The following PDZD8 variants were observed in gnomAD, a reference collection of about 807,000 sequenced individuals.
PDZD8 encodes PDZ domain-containing protein 8.
Under a neutral mutation model 85.8 loss-of-function variants are expected in PDZD8, and 14 were observed. That is an observed-to-expected ratio of 0.16 (90% CI 0.11 to 0.26). PDZD8 has a LOEUF of 0.26. PDZD8 is among the 10% of genes least tolerant of loss of function. PDZD8 has a pLI of 1.00. For synonymous variants in PDZD8, 592 were observed against 568.6 expected, an observed-to-expected ratio of 1.04 and a Z score of -0.59; for missense variants, 1,197 against 1,424.3, an observed-to-expected ratio of 0.84 and a Z score of 2.57.
In PDZD8 at chr10:117,375,167, C is replaced by A. The variant is rs756287475; in HGVS notation, c.61G>T (p.Ala21Ser). Residue 21 changes from alanine (A) to serine (S), a missense_variant, in exon 1 of 5, where the codon GCC becomes TCC. Coordinates refer to ENST00000334464, the MANE Select transcript of PDZD8 (RefSeq NM_173791.5). ...CTGCGGTACAGCAGGAAGAACTGGG[C>A]GAGGAGCGTGAGGAAGGAACCCAGC... ...AVLGSFLTLLAQFFLLYRRQP... is the reference protein window; with the variant it reads ...AVLGSFLTLLSQFFLLYRRQP... 6.3e-7 allele frequency: 1 copy of A among 1,583,344 alleles called. No homozygotes were observed.
At chr10:117,343,513 G>C (rs1265985476) in intron 1 of PDZD8, among the ~76,000 whole-genome samples, 2 of 151,618 alleles carry the variant, frequency 1.3e-5, no homozygotes, top group Non-Finnish European at 2.9e-5. Context: ...TATGACTCCT[G>C]AAAAACATAT....
intron 3 of PDZD8, among the ~76,000 whole-genome samples, chr10:117,317,884 G>A (rs988885853): frequency 6.6e-6 from 1 of 152,050 alleles, no homozygotes; most frequent in African/African-American, 2.4e-5. Flanking sequence ...TTTCATAAAC[G>A]CAAACACTGT....
chr10:117,359,364 C>A (rs1844955694), intron 1 of PDZD8, among the ~76,000 whole-genome samples: 1 of 151,796 alleles, frequency 6.6e-6, no homozygotes, highest in Non-Finnish European at 1.5e-5. Context: ...TACACTGAGC[C>A]ATGAGTGTGC....
intron 1 of PDZD8, among the ~76,000 whole-genome samples, chr10:117,347,120 G>A (rs1052331367): frequency 6.6e-6 from 1 of 151,772 alleles, no homozygotes; most frequent in African/African-American, 2.4e-5. Flanking sequence ...CCAAGAACCA[G>A]GGTATATACC....
intron 3 of PDZD8, among the ~76,000 whole-genome samples, chr10:117,292,630 G>A (rs1339929867): frequency 6.6e-6 from 1 of 151,782 alleles, no homozygotes; most frequent in Admixed American, 6.6e-5. Context: ...GGAGATTCAG[G>A]GGGTAGGATT....
intron 3 of PDZD8, among the ~76,000 whole-genome samples, chr10:117,305,525 G>C (rs1435781431): frequency 6.8e-6 from 1 of 147,710 alleles, no homozygotes; most frequent in African/African-American, 2.5e-5. Context: ...CATATATGGA[G>C]AGAGAGAGAG....
rs1423879901 is a variant in PDZD8, at chr10:117,285,093, A to G, written c.1640T>C (p.Val547Ala). The G allele has an allele frequency of 6.2e-7, 1 of 1,613,866 alleles. No individual in the cohort carries two copies. Among genetic ancestry groups the G allele is most frequent in the Admixed American group, 1.7e-5 (1 of 59,988 alleles). The change falls in exon 5 of 5, where the codon GTA (valine) becomes GCA (alanine). Residue 547 changes from valine (V) to alanine (A), a missense_variant. By Grantham distance (64) the Val-to-Ala change is moderately conservative (BLOSUM62 0). Around this residue, in one of 4 missense-constraint regions of PDZD8, gnomAD observed 263 missense variants for 261.9 expected, o/e 1.00. Coordinates refer to ENST00000334464, the MANE Select transcript of PDZD8 (RefSeq NM_173791.5). ...TTTCGGTGGTAGTGGGTGACTTCCT[A>G]CAGCTAATTTACGGTTTAAAACTGG... ...ISPVLNRKLAVGSHPLPPKIQ... is the reference protein window; with the variant it reads ...ISPVLNRKLAAGSHPLPPKIQ...
chr10:117,288,332 T>C (rs1471283255), intron 4 of PDZD8, among the ~76,000 whole-genome samples: 1 of 149,590 alleles, frequency 6.7e-6, no homozygotes, highest in Non-Finnish European at 1.5e-5. Context: ...ATGCATAGTT[T>C]AGAAATTTTT....
rs114924651 is a variant in PDZD8 at position 117,364,808 on chromosome 10, T to C, written c.872+9548A>G. ...AGTAAATGAGATGGATTTATACATA[T>C]TATCTGAAGGGACATCCATGTTACA... On this transcript the variant is annotated intron_variant, in intron 1 of 4. Transcript: ENST00000334464. 3.2e-3 allele frequency among the ~76,000 whole-genome samples: 488 copies of C among 152,220 alleles called. 2 individuals carry two copies. Among genetic ancestry groups the C allele is most frequent in the African/African-American group, 0.011 (448 of 41,526 alleles).
chr10:117,372,667 G>A (rs908141169), intron 1 of PDZD8, among the ~76,000 whole-genome samples: 3 of 152,146 alleles, frequency 2.0e-5, no homozygotes, highest in Non-Finnish European at 4.4e-5. Context: ...GAGGTTAAAA[G>A]TAGGTTTCAT....
At chr10:117,334,806 C>T (rs943432169) in intron 2 of PDZD8, among the ~76,000 whole-genome samples, 10 of 151,980 alleles carry the variant, frequency 6.6e-5, no homozygotes, top group African/African-American at 2.4e-4. Flanking sequence ...TGAAATTAGA[C>T]CACGTGAATT....
chr10:117,370,514 C>T (rs1201986444), intron 1 of PDZD8, among the ~76,000 whole-genome samples: 1 of 152,210 alleles, frequency 6.6e-6, no homozygotes, highest in Admixed American at 6.5e-5. Context: ...CTCTTTACTG[C>T]TTTAGCTCTA....
intron 1 of PDZD8, among the ~76,000 whole-genome samples, chr10:117,367,632 T>C (rs1416964921): frequency 6.6e-6 from 1 of 151,996 alleles, no homozygotes; most frequent in Non-Finnish European, 1.5e-5. Flanking sequence ...TTAGGTGGAG[T>C]ACACTTAGGT....
intron 1 of PDZD8, among the ~76,000 whole-genome samples, chr10:117,371,335 C>A (rs986560485): frequency 1.3e-5 from 2 of 152,120 alleles, no homozygotes; most frequent in Admixed American, 1.3e-4. Flanking sequence ...CAGGCGCCCG[C>A]CACCACGCCC....
At chr10:117,347,189 C>A (rs191275931) in intron 1 of PDZD8, among the ~76,000 whole-genome samples, 9 of 152,006 alleles carry the variant, frequency 5.9e-5, no homozygotes, top group African/African-American at 9.6e-5. Flanking sequence ...CCTCATTATA[C>A]CCCGCCAGCA....
chr10:117,318,307 A>G (rs1403417138), intron 3 of PDZD8, among the ~76,000 whole-genome samples: 1 of 152,096 alleles, frequency 6.6e-6, no homozygotes, highest in Admixed American at 6.6e-5. Context: ...TCTTCATAGC[A>G]CCTGTGAATC....
intron 3 of PDZD8, among the ~76,000 whole-genome samples, chr10:117,304,909 C>A (rs1231312507): frequency 6.6e-6 from 1 of 152,106 alleles, no homozygotes; most frequent in Admixed American, 6.5e-5. Flanking sequence ...CAGACTAATA[C>A]AGTATCTGTA....
At position 117,280,798 on chromosome 10, in the gene PDZD8, G is replaced by A. The variant is rs1250466494; in HGVS notation, c.*2470C>T. On this transcript the variant is annotated 3_prime_UTR_variant, in exon 5 of 5. Transcript: ENST00000334464. ...AGAGTTAAATACTTTTAAAACATGA[G>A]TAGATTCTTATAAAACCAAAGTTTT... 1 of 152,182 alleles carries A rather than the reference G, an allele frequency of 6.6e-6. No individual in the cohort carries two copies. Among genetic ancestry groups the A allele is most frequent in the Non-Finnish European group, 1.5e-5 (1 of 68,038 alleles). 9.4% of individuals were successfully genotyped at this position (152,182 alleles called of 1,614,324 possible).
At chr10:117,335,938 GA>G (rs928433701) in intron 2 of PDZD8, among the ~76,000 whole-genome samples, 2 of 152,114 alleles carry the variant, frequency 1.3e-5, no homozygotes, top group African/African-American at 2.4e-5. Flanking sequence ...CCAAAGCAAG[GA>G]ACAATTCCAT....
Sources: gnomAD v4.1 joint callset for allele counts (sites outside exome capture counted in the v4.1 genomes callset) on GRCh38, gnomAD v4.1.1 for gene constraint, gnomAD v4.1.1 regional missense constraint, MANE v1.5 for transcripts, NCBI Gene and HGNC (gene_info 2026-07-23, HGNC 2026-07-21) for gene names.